Variants in SEMA3A observed in about 807,000 individuals in gnomAD.
The protein encoded by SEMA3A is semaphorin-3A.
Under a neutral mutation model 97.9 loss-of-function variants are expected in SEMA3A, and 29 were observed. The observed-to-expected ratio is 0.30, with a 90% CI of 0.22 to 0.40. SEMA3A has a LOEUF of 0.40. Among genes scored for constraint, SEMA3A ranks in the 10% least tolerant of loss-of-function variants. SEMA3A has a pLI of 1.00. For synonymous variants in SEMA3A, 321 were observed against 323.7 expected, an observed-to-expected ratio of 0.99 and a Z score of 0.09; for missense variants, 763 against 951.3, an observed-to-expected ratio of 0.80 and a Z score of 2.60.
At chr7:84,160,662 T>G (rs1168619482) in intron 1 of SEMA3A, among the ~76,000 whole-genome samples, 1 of 151,110 alleles carries the variant, frequency 6.6e-6, no homozygotes, top group Non-Finnish European at 1.5e-5. Context: ...GTGGATCACT[T>G]GAGGTAGGAG....
At chr7:84,017,963 G>A (rs889150024) in intron 6 of SEMA3A, among the ~76,000 whole-genome samples, 2 of 151,928 alleles carry the variant, frequency 1.3e-5, no homozygotes, top group African/African-American at 2.4e-5. Context: ...AAAACCCCAT[G>A]TACTCATAGT....
chr7:84,030,651 T>C (rs1489693648), intron 6 of SEMA3A, among the ~76,000 whole-genome samples: 1 of 150,464 alleles, frequency 6.6e-6, no homozygotes. Context: ...GCATCTCATA[T>C]ACACATATAT....
intron 9 of SEMA3A, among the ~76,000 whole-genome samples, chr7:84,008,213 A>C (rs1004742312): frequency 2.0e-5 from 3 of 152,176 alleles, no homozygotes; most frequent in East Asian, 1.9e-4. Context: ...ATTTTATGGC[A>C]GGGCGCGGTG....
intron 1 of SEMA3A, among the ~76,000 whole-genome samples, chr7:84,469,150 T>C (rs932883527): frequency 7.9e-5 from 12 of 152,186 alleles, no homozygotes; most frequent in Non-Finnish European, 1.8e-4. Flanking sequence ...ATAAACTGTC[T>C]ATTCCTTTCT....
chr7:84,082,048 C>T (rs919211100), intron 4 of SEMA3A, among the ~76,000 whole-genome samples: 1 of 152,020 alleles, frequency 6.6e-6, no homozygotes, highest in East Asian at 1.9e-4. Context: ...TTTTATAACA[C>T]TACAGGGAAC....
At chr7:84,460,810 G>A (rs1276666912) in intron 1 of SEMA3A, among the ~76,000 whole-genome samples, 1 of 152,180 alleles carries the variant, frequency 6.6e-6, no homozygotes, top group African/African-American at 2.4e-5. Context: ...CAAAAAGCAA[G>A]TCGAAGGAGC....
At chr7:84,376,961 A>G (rs2116123574) in intron 1 of SEMA3A, among the ~76,000 whole-genome samples, 1 of 152,242 alleles carries the variant, frequency 6.6e-6, no homozygotes, top group South Asian at 2.1e-4. Flanking sequence ...ACTTTCATTT[A>G]TTCTTTACGC....
chr7:84,231,063 A>C (rs1347311866), intron 3 of SEMA3A, among the ~76,000 whole-genome samples: 1 of 151,916 alleles, frequency 6.6e-6, no homozygotes, highest in Non-Finnish European at 1.5e-5. Context: ...TACTTCAAAA[A>C]ATTTCCTCAT....
intron 4 of SEMA3A, among the ~76,000 whole-genome samples, chr7:84,073,313 A>G (rs1006712874): frequency 6.6e-6 from 1 of 151,946 alleles, no homozygotes; most frequent in Non-Finnish European, 1.5e-5. Flanking sequence ...GTAGGAGGCC[A>G]GTAGAATCCA....
chr7:84,342,954 G>C (rs575250994), intron 2 of SEMA3A, among the ~76,000 whole-genome samples: 1 of 152,246 alleles, frequency 6.6e-6, no homozygotes, highest in East Asian at 1.9e-4. Context: ...AATTTTAAGA[G>C]CTAGTTATGA....
At chr7:84,192,957 CA>C (rs1203264274) in intron 1 of SEMA3A, among the ~76,000 whole-genome samples, 2 of 151,768 alleles carry the variant, frequency 1.3e-5, no homozygotes, top group Non-Finnish European at 3.0e-5. Context: ...GGAGTGAAAA[CA>C]GAAAGCAAAA....
At chr7:84,037,632 G>A (rs568898909) in intron 6 of SEMA3A, among the ~76,000 whole-genome samples, 303 of 152,098 alleles carry the variant, frequency 2.0e-3, no homozygotes, top group Middle Eastern at 3.4e-3. Context: ...TTAAAATTTA[G>A]CAAATCTTCA....
At chr7:84,147,776 C>T (rs896365768) in intron 1 of SEMA3A, among the ~76,000 whole-genome samples, 5 of 152,330 alleles carry the variant, frequency 3.3e-5, no homozygotes, top group Admixed American at 6.5e-5. Context: ...ACTAGCTTTA[C>T]TCTCTTCATT....
chr7:84,246,176 C>T (rs959454575), intron 3 of SEMA3A, among the ~76,000 whole-genome samples: 1 of 152,198 alleles, frequency 6.6e-6, no homozygotes, highest in African/African-American at 2.4e-5. Flanking sequence ...GCAGAAATCA[C>T]CCGCCTTCTG....
At chr7:83,992,190 G>T (rs1434384298) in intron 12 of SEMA3A, among the ~76,000 whole-genome samples, 1 of 151,192 alleles carries the variant, frequency 6.6e-6, no homozygotes, top group Non-Finnish European at 1.5e-5. Flanking sequence ...TTTTTATTGT[G>T]TCTATTTGAT....
At chr7:84,458,449 T>TA (rs35989680) in intron 1 of SEMA3A, among the ~76,000 whole-genome samples, 2 of 151,902 alleles carry the variant, frequency 1.3e-5, no homozygotes, top group African/African-American at 2.4e-5. Flanking sequence ...ATTTAAATCA[T>TA]AAAAAAATAA....
At chr7:84,112,878 G>A (rs1795314994) in intron 3 of SEMA3A, among the ~76,000 whole-genome samples, 1 of 152,194 alleles carries the variant, frequency 6.6e-6, no homozygotes, top group African/African-American at 2.4e-5. Flanking sequence ...GACCAAAGCT[G>A]TGAAACCTGG....
At chr7:84,490,569 A>AT (rs77605297) in intron 1 of SEMA3A, among the ~76,000 whole-genome samples, 1 of 152,006 alleles carries the variant, frequency 6.6e-6, no homozygotes, top group Non-Finnish European at 1.5e-5. Flanking sequence ...AGCTTGATTG[A>AT]TTTTTTCACT....
intron 3 of SEMA3A, among the ~76,000 whole-genome samples, chr7:84,292,391 TA>T (rs1800771220): frequency 6.6e-6 from 1 of 151,804 alleles, no homozygotes; most frequent in African/African-American, 2.4e-5. Flanking sequence ...ATGTATTTAT[TA>T]AAAATAATTT....
Sources: gnomAD v4.1 joint callset for allele counts (sites outside exome capture counted in the v4.1 genomes callset) on GRCh38, gnomAD v4.1.1 for gene constraint, MANE v1.5 for transcripts, NCBI Gene and HGNC (gene_info 2026-07-23, HGNC 2026-07-21) for gene names.